Variants in CMSS1 observed in about 807,000 individuals in gnomAD.
CMSS1 encodes the protein cms1 ribosomal small subunit homolog, also known as protein CMSS1.
In CMSS1, 33 loss-of-function variants were observed where a neutral mutation model predicts 43.5. That is an observed-to-expected ratio of 0.76 (90% CI 0.57 to 1.01). The LOEUF (loss-of-function observed/expected upper bound fraction) is 1.01. CMSS1 is among the 50% of genes least tolerant of loss of function. CMSS1 has a pLI of 0.00. For synonymous variants in CMSS1, 115 were observed against 117.2 expected (o/e 0.98, Z 0.12); for missense variants, 313 against 326.4 (o/e 0.96, Z 0.32).
At chr3:100,054,995 TC>T (rs774723405) in intron 1 of CMSS1, among the ~76,000 whole-genome samples, 1 of 152,196 alleles carries the variant, frequency 6.6e-6, no homozygotes, top group Non-Finnish European at 1.5e-5. Context: ...TTTTGGGCCT[TC>T]TTGCTGATCA....
intron 1 of CMSS1, among the ~76,000 whole-genome samples, chr3:99,925,220 T>C (rs1707253433): frequency 1.3e-5 from 2 of 152,166 alleles, no homozygotes; most frequent in Admixed American, 1.3e-4. Flanking sequence ...GAATAGATAA[T>C]CTATTATGTG....
intron 1 of CMSS1, chr3:99,849,496 T>C (rs1224191036): frequency 6.2e-7 from 1 of 1,613,436 alleles, no homozygotes; most frequent in Admixed American, 1.7e-5. Context: ...CATGTATTCA[T>C]GAATTTTCTC....
At chr3:100,177,519 G>T (rs1160287971) in intron 9 of CMSS1, among the ~76,000 whole-genome samples, 1 of 152,132 alleles carries the variant, frequency 6.6e-6, no homozygotes, top group Non-Finnish European at 1.5e-5. Flanking sequence ...GTTATCCTAA[G>T]GCAATAAAAT....
In CMSS1 at chr3:100,172,323, C is replaced by A. The variant is rs767387483; in HGVS notation, c.587C>A (p.Ala196Glu). 5.6e-6 allele frequency: 9 copies of A among 1,613,542 alleles called. No homozygotes were observed. Among genetic ancestry groups the A allele is most frequent in the African/African-American group, 1.3e-5 (1 of 75,008 alleles). ...KLFAKHIKVQ[A>E]QVKLLEKRVV... ...TCTTTCATCTTGGAACAGGTCCAGG[C>A]GCAGGTAAAGTTGCTGGAGAAGCGT... The change falls in exon 8 of 10, where the codon GCG becomes GAG. Residue 196 changes from alanine to glutamate, a missense_variant. By Grantham distance (107) the Ala-to-Glu change is moderately radical. Coordinates refer to ENST00000421999, the MANE Select transcript of CMSS1 (RefSeq NM_032359.4).
intron 1 of CMSS1, among the ~76,000 whole-genome samples, chr3:99,856,059 C>G (rs1216998763): frequency 6.6e-6 from 1 of 152,216 alleles, no homozygotes; most frequent in Non-Finnish European, 1.5e-5. Flanking sequence ...ACTGCTCCAT[C>G]CATTGTTTGG....
Position 100,133,951 on chromosome 3 carries a change from T to A in CMSS1, c.65-13022T>A, listed in dbSNP as rs189809982. Among the ~76,000 whole-genome samples, 9 of 152,328 alleles carry A rather than the reference T, an allele frequency of 5.9e-5. No homozygotes were observed. In the East Asian group the frequency reaches 1.7e-3, roughly 29 times the overall value. On this transcript the variant is annotated intron_variant, in intron 1 of 9. Transcript: ENST00000421999. ...CCTTGAATAATTTACATTAACGGGA[T>A]ACATTATGTATTAATAGTATAATAG...
intron 1 of CMSS1, among the ~76,000 whole-genome samples, chr3:99,994,205 G>A (rs1709605683): frequency 6.6e-6 from 1 of 152,074 alleles, no homozygotes; most frequent in African/African-American, 2.4e-5. Flanking sequence ...AGTCTCAGTA[G>A]GTTTTGTGTT....
At chr3:99,905,966 G>A (rs1352593621) in intron 1 of CMSS1, among the ~76,000 whole-genome samples, 1 of 152,196 alleles carries the variant, frequency 6.6e-6, no homozygotes, top group Admixed American at 6.5e-5. Flanking sequence ...GCTGAGGCAG[G>A]CAGATCACTT....
At chr3:99,820,827 A>C (rs977528325) in intron 1 of CMSS1, among the ~76,000 whole-genome samples, 2 of 152,218 alleles carry the variant, frequency 1.3e-5, no homozygotes, top group South Asian at 2.1e-4. Context: ...AAAGTATGTG[A>C]ATTATGTTTT....
chr3:99,876,861 G>A (rs1705551701), intron 1 of CMSS1, among the ~76,000 whole-genome samples: 1 of 151,964 alleles, frequency 6.6e-6, no homozygotes. Flanking sequence ...ATCATTTTTT[G>A]GCAGGGAAAA....
At chr3:99,944,599 G>A (rs1303576979) in intron 1 of CMSS1, among the ~76,000 whole-genome samples, 4 of 152,190 alleles carry the variant, frequency 2.6e-5, no homozygotes, top group South Asian at 2.1e-4. Flanking sequence ...TAAAGTAACC[G>A]AAACCTAAAG....
chr3:100,005,668 C>G (rs145942856), intron 1 of CMSS1, among the ~76,000 whole-genome samples: 1,836 of 152,224 alleles, frequency 0.012, 24 homozygotes, highest in African/African-American at 0.027. Flanking sequence ...AATTTATAAG[C>G]CTCTTTGAAA....
At chr3:99,979,644 A>G (rs1709063617) in intron 1 of CMSS1, among the ~76,000 whole-genome samples, 1 of 152,214 alleles carries the variant, frequency 6.6e-6, no homozygotes, top group South Asian at 2.1e-4. Context: ...ATGAGTGTTA[A>G]GTATTACCTC....
At chr3:100,027,325 T>C (rs933448402) in intron 1 of CMSS1, among the ~76,000 whole-genome samples, 2 of 152,146 alleles carry the variant, frequency 1.3e-5, no homozygotes, top group Admixed American at 6.6e-5. Flanking sequence ...GCCTCACACA[T>C]GGTAGGTGTT....
At position 99,924,123 on chromosome 3, in the gene CMSS1, T is replaced by C. The variant is rs1015505250; in HGVS notation, c.64+106080T>C. The C allele has an allele frequency of 1.9e-5, 18 of 942,544 alleles. No homozygotes were observed. In the African/African-American group the frequency reaches 2.8e-4, roughly 15 times the overall value. The allele number at this position is 942,544 out of a possible 1,614,324, so 58.4% of individuals were successfully genotyped here. A position where few individuals can be genotyped will look rare whatever the true frequency, so the allele number is the denominator to read the frequency against. Reference sequence around the variant, plus strand: ...TTCCTCACCCTGGACTATGAGATCTTTGAGAACAGAGACTGTGTCATATTT... The same window carrying C: ...TTCCTCACCCTGGACTATGAGATCTCTGAGAACAGAGACTGTGTCATATTT... On this transcript the variant is annotated intron_variant, in intron 1 of 9. Coordinates refer to ENST00000421999, the MANE Select transcript of CMSS1 (RefSeq NM_032359.4).
intron 1 of CMSS1, among the ~76,000 whole-genome samples, chr3:100,110,305 G>C (rs147976390): frequency 6.6e-6 from 1 of 152,048 alleles, no homozygotes; most frequent in South Asian, 2.1e-4. Context: ...GTCACAACCT[G>C]TCAGTTTAAT....
intron 1 of CMSS1, among the ~76,000 whole-genome samples, chr3:99,842,412 A>T (rs957159454): frequency 1.5e-4 from 23 of 152,074 alleles, no homozygotes; most frequent in African/African-American, 5.6e-4. Context: ...GTTGCACCAG[A>T]ATCTCAGAAG....
rs995572400 is a variant in CMSS1, at chr3:99,895,874, G to T, written c.64+77831G>T. 2.0e-5 allele frequency among the ~76,000 whole-genome samples: 3 copies of T among 152,296 alleles called. No individual in the cohort carries two copies. In the South Asian group the frequency reaches 6.2e-4, roughly 32 times the overall value. Reference sequence around the variant, plus strand: ...AACTCTAGCAGTGATTGCTAGAAAAGAAAACAATGTTGATGTTTGGTCAGG... The same window carrying T: ...AACTCTAGCAGTGATTGCTAGAAAATAAAACAATGTTGATGTTTGGTCAGG... On this transcript the variant is annotated intron_variant, in intron 1 of 9. Transcript: ENST00000421999.
At position 99,902,122 on chromosome 3, in the gene CMSS1, A is replaced by G. The variant is rs117481389; in HGVS notation, c.64+84079A>G. On this transcript the variant is annotated intron_variant, in intron 1 of 9. Transcript: ENST00000421999. ...TGCTTTCACTGACCTCCTAAGTAAT[A>G]GAAATATTCATGATGTTATATTAGA... Among the ~76,000 whole-genome samples, 28 of 152,316 alleles carry G rather than the reference A, an allele frequency of 1.8e-4. No individual in the cohort carries two copies. The East Asian group carries it at 5.2e-3, about 28-fold the overall frequency.
Sources: gnomAD v4.1 joint callset for allele counts (sites outside exome capture counted in the v4.1 genomes callset) on GRCh38, gnomAD v4.1.1 for gene constraint, MANE v1.5 for transcripts, NCBI Gene and HGNC (gene_info 2026-07-23, HGNC 2026-07-21) for gene names.